The following PPA2 variants were observed in gnomAD, a reference collection of about 807,000 sequenced individuals.
PPA2 encodes inorganic pyrophosphatase 2, mitochondrial.
Under a neutral mutation model 49.5 loss-of-function variants are expected in PPA2, and 48 were observed. The ratio of observed to expected loss-of-function variants is 0.97; its 90% confidence interval spans 0.77 to 1.23. The LOEUF is 1.23. Among genes scored for constraint, PPA2 ranks in the 50% most tolerant of loss-of-function variants. The pLI is 0.00. For synonymous variants in PPA2, 131 were observed against 139.9 expected (o/e 0.94, Z 0.45); for missense variants, 429 against 410.1 (o/e 1.05, Z -0.40).
At chr4:105,406,825 T>C (rs1289937361) in intron 7 of PPA2, among the ~76,000 whole-genome samples, 1 of 152,152 alleles carries the variant, frequency 6.6e-6, no homozygotes, top group African/African-American at 2.4e-5. Context: ...AGGGGTCAAC[T>C]GTATATGAGG....
chr4:105,396,155 T>G (rs1192290161), intron 9 of PPA2, 94 bp downstream of exon 9: 1 of 763,844 alleles, frequency 1.3e-6, no homozygotes, highest in East Asian at 2.9e-5. Flanking sequence ...TTGTTTAAAT[T>G]AAAAAAAATG....
chr4:105,459,530 A>G (rs1417315895), intron 1 of PPA2, among the ~76,000 whole-genome samples: 3 of 152,258 alleles, frequency 2.0e-5, no homozygotes, highest in African/African-American at 7.2e-5. Context: ...AAAGTTAAAC[A>G]TACAATTAGC....
intron 4 of PPA2, among the ~76,000 whole-genome samples, chr4:105,449,034 C>G (rs563979242): frequency 0.015 from 2,129 of 141,670 alleles, 272 homozygotes; most frequent in African/African-American, 0.06. Context: ...CCGGCTAAAA[C>G]GGTGAAACCC....
At chr4:105,373,289 C>A (rs967065749) in intron 10 of PPA2, among the ~76,000 whole-genome samples, 1 of 152,146 alleles carries the variant, frequency 6.6e-6, no homozygotes, top group African/African-American at 2.4e-5. Flanking sequence ...AGTAACACAA[C>A]ATAAAAATTG....
chr4:105,412,066 T>C (rs550256041), intron 7 of PPA2, among the ~76,000 whole-genome samples: 1 of 152,292 alleles, frequency 6.6e-6, no homozygotes, highest in Admixed American at 6.5e-5. Context: ...CCAATGACTT[T>C]CTTCACAGAA....
In PPA2 at chr4:105,460,207, C is replaced by G. The variant is rs535941645; in HGVS notation, c.158-3462G>C. On this transcript the variant is annotated intron_variant, in intron 1 of 11. Coordinates refer to ENST00000341695, the MANE Select transcript of PPA2 (RefSeq NM_176869.3). ...TAAAAATGCAACAATAAACATAATACAAATAAAACAATACAGTATAACAAC... is the reference window on the plus strand; with the variant it reads ...TAAAAATGCAACAATAAACATAATAGAAATAAAACAATACAGTATAACAAC... Among the ~76,000 whole-genome samples the G allele has an allele frequency of 1.6e-4, 25 of 152,170 alleles. 1 individual carries two copies. In the South Asian group the frequency reaches 5.2e-3, roughly 32 times the overall value.
At chr4:105,378,279 C>A (rs1733339038) in intron 10 of PPA2, among the ~76,000 whole-genome samples, 1 of 152,114 alleles carries the variant, frequency 6.6e-6, no homozygotes. Flanking sequence ...TTTAAATCTG[C>A]ATTTAATAAC....
chr4:105,465,075 C>T (rs1024494977), intron 1 of PPA2, among the ~76,000 whole-genome samples: 5 of 152,112 alleles, frequency 3.3e-5, no homozygotes, highest in Admixed American at 3.3e-4. Flanking sequence ...ACCTGGAATG[C>T]TCATTAAAAT....
intron 6 of PPA2, among the ~76,000 whole-genome samples, chr4:105,432,630 C>T (rs780329195): frequency 4.3e-4 from 65 of 152,294 alleles, no homozygotes; most frequent in African/African-American, 1.2e-3. Context: ...CCAACCCACG[C>T]GGCCTACGGG....
intron 6 of PPA2, among the ~76,000 whole-genome samples, chr4:105,426,715 C>T (rs1033666828): frequency 6.6e-6 from 1 of 152,190 alleles, no homozygotes; most frequent in African/African-American, 2.4e-5. Flanking sequence ...GTGAACTGGG[C>T]GGAGCCCACC....
chr4:105,381,194 C>T (rs1460241354), intron 10 of PPA2, among the ~76,000 whole-genome samples: 5 of 151,950 alleles, frequency 3.3e-5, no homozygotes, highest in African/African-American at 7.2e-5. Context: ...TTTTGTGAGC[C>T]GTCTATTCAT....
At chr4:105,424,680 T>C (rs1282696157) in intron 6 of PPA2, among the ~76,000 whole-genome samples, 3 of 152,126 alleles carry the variant, frequency 2.0e-5, no homozygotes, top group African/African-American at 4.8e-5. Flanking sequence ...AGAGATGTGA[T>C]TGCCCTGGTT....
chr4:105,380,117 C>G (rs1733427043), intron 10 of PPA2, among the ~76,000 whole-genome samples: 1 of 152,124 alleles, frequency 6.6e-6, no homozygotes, highest in African/African-American at 2.4e-5. Flanking sequence ...CAGTACAATG[C>G]TGAACAATAG....
intron 6 of PPA2, among the ~76,000 whole-genome samples, chr4:105,432,072 G>T (rs1723829809): frequency 6.6e-6 from 1 of 152,104 alleles, no homozygotes. Context: ...ACTTTAAAAT[G>T]GTTAATTTTA....
chr4:105,417,975 C>A (rs1723087266), intron 7 of PPA2, among the ~76,000 whole-genome samples: 1 of 152,116 alleles, frequency 6.6e-6, no homozygotes, highest in South Asian at 2.1e-4. Flanking sequence ...ATGCCCCATG[C>A]CCCATCCACG....
chr4:105,452,509 T>G (rs1722715256), intron 3 of PPA2, among the ~76,000 whole-genome samples: 1 of 152,224 alleles, frequency 6.6e-6, no homozygotes, highest in African/African-American at 2.4e-5. Flanking sequence ...GAATCTGAAT[T>G]TTTAACAAGC....
In PPA2 at chr4:105,369,425, A is replaced by G; in HGVS notation, c.*300T>C. On this transcript the variant is annotated 3_prime_UTR_variant, in exon 12 of 12. Coordinates refer to ENST00000341695, the MANE Select transcript of PPA2 (RefSeq NM_176869.3). ...TTTTTAATAGAGATGGGGTTTCAAC[A>G]TACTGGCCAGGCTGGTCTTGAACTC... 3.5e-6 allele frequency: 1 copy of G among 285,016 alleles called. No individual in the cohort carries two copies. The highest frequency in any genetic ancestry group is 5.2e-5 in the South Asian group (1 of 19,224). 17.7% of individuals were successfully genotyped at this position (285,016 alleles called of 1,614,324 possible).
chr4:105,409,112 G>C (rs913429840), intron 7 of PPA2, among the ~76,000 whole-genome samples: 1 of 152,230 alleles, frequency 6.6e-6, no homozygotes, highest in Non-Finnish European at 1.5e-5. Flanking sequence ...CCTCACCCGG[G>C]AAGCACAAGG....
intron 8 of PPA2, 130 bp from the exon 9 acceptor site, chr4:105,396,464 T>A: frequency 1.7e-6 from 1 of 592,556 alleles, no homozygotes; most frequent in Non-Finnish European, 2.8e-6. Flanking sequence ...CAAAGCTTGG[T>A]ATAAATTCTG....
Sources: gnomAD v4.1 joint callset for allele counts (sites outside exome capture counted in the v4.1 genomes callset) on GRCh38, gnomAD v4.1.1 for gene constraint, MANE v1.5 for transcripts, NCBI Gene and HGNC (gene_info 2026-07-23, HGNC 2026-07-21) for gene names.